The following FAT1 variants were observed in gnomAD, a reference collection of about 807,000 sequenced individuals.
The protein encoded by FAT1 is FAT atypical cadherin 1.
FAT1 carries 171 observed loss-of-function variants against 329.8 expected under a neutral mutation model. That is an observed-to-expected ratio of 0.52 (90% CI 0.46 to 0.59). The LOEUF (loss-of-function observed/expected upper bound fraction) is 0.59, where lower values mean the gene tolerates loss of function less well. Among genes scored for constraint, FAT1 ranks in the 20% least tolerant of loss-of-function variants. The pLI is 0.00. For synonymous variants in FAT1, 2,233 were observed against 2,228.6 expected (o/e 1.00, Z -0.06); for missense variants, 5,672 against 5,774.4 (o/e 0.98, Z 0.57).
In FAT1 at chr4:186,618,709, CCCT is replaced by C; in HGVS notation, c.7874_7876del (p.Glu2625del). On this transcript the variant is annotated inframe_deletion, in exon 10 of 27. Coordinates refer to ENST00000441802, the MANE Select transcript of FAT1 (RefSeq NM_005245.4). ...GGCATAGGTGATGTCGGCATTGGAG[CCCT>C]CATCGGCATCACTTGCAAGAACTTT... 1 of 1,613,982 alleles carries C rather than the reference CCCT, an allele frequency of 6.2e-7. No homozygotes were observed. Among genetic ancestry groups the C allele is most frequent in the Non-Finnish European group, 8.5e-7 (1 of 1,179,870 alleles).
In FAT1 at chr4:186,723,770, G is replaced by C. The variant is rs1483952733; in HGVS notation, c.-125C>G. ...CTGCCGGGGCCCTCGCCGGGCTCGC[G>C]CGTCCGCATGGTACCTGCCGCACGA... On this transcript the variant is annotated 5_prime_UTR_variant, in exon 1 of 27. Coordinates refer to ENST00000441802, the MANE Select transcript of FAT1 (RefSeq NM_005245.4). 6.7e-6 allele frequency: 1 copy of C among 150,072 alleles called. No individual in the cohort carries two copies. The highest frequency in any genetic ancestry group is 6.6e-5 in the Admixed American group (1 of 15,122). The allele number at this position is 150,072 out of a possible 1,614,324, so 9.3% of individuals were successfully genotyped here. A position where few individuals can be genotyped will look rare whatever the true frequency, so the allele number is the denominator to read the frequency against.
chr4:186,662,304 T>C (rs1742213079), intron 3 of FAT1, among the ~76,000 whole-genome samples: 1 of 152,194 alleles, frequency 6.6e-6, no homozygotes, highest in Non-Finnish European at 1.5e-5. Context: ...ACTTAGTTCT[T>C]AGCTCACTTT....
intron 3 of FAT1, among the ~76,000 whole-genome samples, chr4:186,649,581 G>C (rs1741537858): frequency 6.6e-6 from 1 of 152,174 alleles, no homozygotes; most frequent in South Asian, 2.1e-4. Flanking sequence ...AAAGGTGTCT[G>C]ATGACAGATG....
At chr4:186,677,312 G>C (rs1226529299) in intron 2 of FAT1, among the ~76,000 whole-genome samples, 1 of 152,078 alleles carries the variant, frequency 6.6e-6, no homozygotes, top group Admixed American at 6.5e-5. Flanking sequence ...TGATAACCTA[G>C]GAGAAACTTC....
chr4:186,642,610 T>C (rs1037712046), intron 3 of FAT1, among the ~76,000 whole-genome samples: 8 of 152,186 alleles, frequency 5.3e-5, no homozygotes, highest in Non-Finnish European at 1.5e-5. Context: ...ATAGGCAGCG[T>C]GTGCCAGGTG....
chr4:186,597,253 C>T (rs2126397008), intron 24 of FAT1, 82 bp from the exon 25 acceptor site: 4 of 1,371,316 alleles, frequency 2.9e-6, no homozygotes, highest in Non-Finnish European at 3.9e-6. Context: ...AGACTGAAGA[C>T]TAATCCCTCC....
chr4:186,695,941 G>A (rs1295665861), intron 2 of FAT1, among the ~76,000 whole-genome samples: 4 of 152,186 alleles, frequency 2.6e-5, no homozygotes, highest in East Asian at 3.9e-4. Flanking sequence ...ACAGGTGTGC[G>A]CCACTAGGCC....
At position 186,673,400 on chromosome 4, in the gene FAT1, C is replaced by T. The variant is rs1195110775; in HGVS notation, c.3266-9787G>A. On this transcript the variant is annotated intron_variant, in intron 2 of 26. Coordinates refer to ENST00000441802, the MANE Select transcript of FAT1 (RefSeq NM_005245.4). Reference sequence around the variant, plus strand: ...CTTTCATTTTTAAGTATTTCTGTTTCATTTGAGTAGATATATGACAATGGA... The same window carrying T: ...CTTTCATTTTTAAGTATTTCTGTTTTATTTGAGTAGATATATGACAATGGA... 3.9e-5 allele frequency among the ~76,000 whole-genome samples: 6 copies of T among 152,276 alleles called. No individual in the cohort carries two copies. In the East Asian group the frequency reaches 1.2e-3, roughly 29 times the overall value.
intron 2 of FAT1, among the ~76,000 whole-genome samples, chr4:186,696,937 T>G (rs1228643295): frequency 6.6e-6 from 1 of 152,132 alleles, no homozygotes; most frequent in Non-Finnish European, 1.5e-5. Flanking sequence ...GGCAGGAGAA[T>G]CACTTCAACT....
In FAT1 at chr4:186,589,040, T is replaced by C. The variant is rs1172348895; in HGVS notation, c.13319A>G (p.Glu4440Gly). Residue 4440 changes from glutamate to glycine, a missense_variant, in exon 27 of 27, where the codon GAA becomes GGA. Around this residue, in one of 2 missense-constraint regions of FAT1, gnomAD observed 1,706 missense variants for 1,859.1 expected, o/e 0.92. Transcript: ENST00000441802. ...TAGCTCATCAGCTGCGGGGAAGTCT[T>C]CTGGGGGTGGAGGAAAATCACTTTC... The part of the protein sequence containing the change: ...DIESDFPPPP[E>G]DFPAADELPP... The C allele has an allele frequency of 6.2e-7, 1 of 1,613,904 alleles. No homozygotes were observed.
At chr4:186,598,215 G>A (rs986439129) in intron 22 of FAT1, 90 bp from the exon 23 acceptor site, 32 of 1,264,078 alleles carry the variant, frequency 2.5e-5, no homozygotes, top group African/African-American at 1.2e-4. Context: ...TTTATTCTCC[G>A]AGGTCTGTAA....
Position 186,599,988 on chromosome 4 carries a change from C to T in FAT1, c.12013G>A (p.Val4005Ile), listed in dbSNP as rs1738718060. ...SYAHIEESVD[V>I]SPGCFLTATE... is the part of the protein sequence containing the mutation. ...GCCGTCAGGAAGCAGCCTGGAGATA[C>T]ATCCACCGACTCTTCGATGTGTGCA... The change falls in exon 22 of 27, where the codon GTA becomes ATA. Residue 4005 changes from valine to isoleucine, a missense_variant. This residue lies in a region of FAT1 where 1,706 missense variants were observed against 1,859.1 expected (regional missense o/e 0.92). Transcript: ENST00000441802. The T allele has an allele frequency of 6.2e-7, 1 of 1,614,016 alleles. No homozygotes were observed. Among genetic ancestry groups the T allele is most frequent in the Non-Finnish European group, 8.5e-7 (1 of 1,179,894 alleles).
chr4:186,598,238 T>G (rs1236748926), intron 22 of FAT1, 113 bp from the exon 23 acceptor site: 2 of 1,076,524 alleles, frequency 1.9e-6, no homozygotes, highest in African/African-American at 3.2e-5. Flanking sequence ...GCTCGTAAAA[T>G]TCTCACTCTC....
At chr4:186,630,164 A>G (rs1012066018) in intron 7 of FAT1, among the ~76,000 whole-genome samples, 1 of 152,232 alleles carries the variant, frequency 6.6e-6, no homozygotes, top group African/African-American at 2.4e-5. Flanking sequence ...CTTACCAGGC[A>G]ATGTTCTGCA....
In FAT1 at chr4:186,639,706, TAAAA is replaced by T; in HGVS notation, c.3642+12_3642+15del. 1 of 1,412,426 alleles carries T rather than the reference TAAAA, an allele frequency of 7.1e-7. No individual in the cohort carries two copies. The allele number at this position is 1,412,426 out of a possible 1,614,324, so 87.5% of individuals were successfully genotyped here. ...ACTACGAATCTTTAAGTATTAAAGA[TAAAA>T]AAAAAACTTACCTCTAATATGTGTT... On this transcript the variant is annotated intron_variant, in intron 4 of 26. Coordinates refer to ENST00000441802, the MANE Select transcript of FAT1 (RefSeq NM_005245.4).
In FAT1 at chr4:186,709,848, G is replaced by C. The variant is rs1415321227; in HGVS notation, c.-18-3C>G. 1 of 1,569,788 alleles carries C rather than the reference G, an allele frequency of 6.4e-7. No homozygotes were observed. Among genetic ancestry groups the C allele is most frequent in the South Asian group, 1.2e-5 (1 of 86,564 alleles). On this transcript the variant is annotated splice_polypyrimidine_tract_variant and splice_region_variant and intron_variant, in intron 1 of 26. Transcript: ENST00000441802. ...CCCATTGCTTAACTGTCGGGAATCT[G>C]AAACAGAAGAAATCAGAATCGTTAC... is the stretch of plus-strand genomic sequence containing the variant.
chr4:186,656,402 T>C (rs1291930361), intron 3 of FAT1, among the ~76,000 whole-genome samples: 1 of 152,192 alleles, frequency 6.6e-6, no homozygotes. Flanking sequence ...GTTAATATAC[T>C]AAGGAAGGGA....
Position 186,595,616 on chromosome 4 carries a change from G to A in FAT1, c.13138+73C>T, listed in dbSNP as rs75306482. The stretch of plus-strand genomic sequence containing the variant: ...GTGAGGCTTTAAGGGTAGATAGTGC[G>A]TCTACATTGTGAGATAACACAGTAA... On this transcript the variant is annotated intron_variant, in intron 26 of 26. Transcript: ENST00000441802. 2,553 of 1,541,704 alleles carry A rather than the reference G, an allele frequency of 1.7e-3. 14 individuals carry two copies. The African/African-American group carries it at 0.017, about 10-fold the overall frequency.
intron 2 of FAT1, among the ~76,000 whole-genome samples, chr4:186,679,455 G>T (rs1414785126): frequency 6.6e-6 from 1 of 151,122 alleles, no homozygotes; most frequent in African/African-American, 2.4e-5. Flanking sequence ...GGGGGTTGGG[G>T]GAACCCCACA....
Sources: gnomAD v4.1 joint callset for allele counts (sites outside exome capture counted in the v4.1 genomes callset) on GRCh38, gnomAD v4.1.1 for gene constraint, gnomAD v4.1.1 regional missense constraint, MANE v1.5 for transcripts, NCBI Gene and HGNC (gene_info 2026-07-23, HGNC 2026-07-21) for gene names.